WDR41: variants seen among roughly 807,000 people sequenced by gnomAD.
WDR41 encodes WD repeat domain 41, also known as WD repeat-containing protein 41.
WDR41 carries 63 observed loss-of-function variants against 69.3 expected under a neutral mutation model. The observed-to-expected ratio is 0.91, with a 90% CI of 0.74 to 1.12. The LOEUF is 1.12. WDR41 is among the 50% of genes most tolerant of loss of function. The pLI is 0.00. For synonymous variants in WDR41, 185 were observed against 192.1 expected, an observed-to-expected ratio of 0.96 and a Z score of 0.31; for missense variants, 543 against 534.5, an observed-to-expected ratio of 1.02 and a Z score of -0.16.
At chr5:77,480,863 A>G (rs1801203181) in intron 2 of WDR41, among the ~76,000 whole-genome samples, 1 of 152,020 alleles carries the variant, frequency 6.6e-6, no homozygotes, top group South Asian at 2.1e-4. Context: ...AGAATACCAA[A>G]AAAATCTGTG....
chr5:77,469,058 G>A (rs1280442013), intron 2 of WDR41, among the ~76,000 whole-genome samples: 2 of 152,124 alleles, frequency 1.3e-5, no homozygotes, highest in Non-Finnish European at 2.9e-5. Flanking sequence ...ATACTATGCA[G>A]CCATAAAAAG....
At chr5:77,520,933 C>T (rs974994454) in intron 1 of WDR41, among the ~76,000 whole-genome samples, 4 of 152,238 alleles carry the variant, frequency 2.6e-5, no homozygotes, top group African/African-American at 9.6e-5. Flanking sequence ...GAAAACATTC[C>T]TCCAGGACAT....
chr5:77,554,558 G>A (rs1743356519), intron 1 of WDR41, among the ~76,000 whole-genome samples: 2 of 151,326 alleles, frequency 1.3e-5, no homozygotes, highest in East Asian at 1.9e-4. Context: ...TATTGATCTC[G>A]GACTTCCCAG....
chr5:77,572,144 A>G (rs1396479720), intron 1 of WDR41, among the ~76,000 whole-genome samples: 2 of 152,234 alleles, frequency 1.3e-5, no homozygotes, highest in Admixed American at 6.5e-5. Flanking sequence ...TATAAAAGCT[A>G]TCTTAGTAAC....
At chr5:77,433,373 A>AT (rs562043994) in intron 12 of WDR41, 86 bp from the exon 13 acceptor site, 14 of 1,265,430 alleles carry the variant, frequency 1.1e-5, no homozygotes, top group Non-Finnish European at 1.3e-5. Context: ...CGTGTGAGAT[A>AT]TGTGCCTTAA....
chr5:77,549,735 C>T (rs993050796), intron 1 of WDR41, among the ~76,000 whole-genome samples: 53 of 152,214 alleles, frequency 3.5e-4, no homozygotes, highest in African/African-American at 1.2e-3. Flanking sequence ...TATCAAGCTA[C>T]CAATGTCATT....
intron 1 of WDR41, among the ~76,000 whole-genome samples, chr5:77,599,498 C>T (rs1012444546): frequency 1.3e-5 from 2 of 152,114 alleles, no homozygotes; most frequent in African/African-American, 4.8e-5. Flanking sequence ...CCACACCCTG[C>T]CTGGAAGCTC....
intron 12 of WDR41, among the ~76,000 whole-genome samples, chr5:77,434,016 T>A (rs1561722320): frequency 6.6e-6 from 1 of 152,084 alleles, no homozygotes; most frequent in Admixed American, 6.6e-5. Flanking sequence ...GATGAGGTCC[T>A]CGAAGGAAAG....
At chr5:77,615,167 T>C (rs1744653831) in intron 1 of WDR41, among the ~76,000 whole-genome samples, 1 of 152,122 alleles carries the variant, frequency 6.6e-6, no homozygotes, top group African/African-American at 2.4e-5. Flanking sequence ...GTCACTGAAT[T>C]GTCTAAAAAA....
At chr5:77,620,344 CT>C (rs1744758075) in intron 1 of WDR41, 1 of 372,784 alleles carries the variant, frequency 2.7e-6, no homozygotes, top group African/African-American at 2.1e-5. Flanking sequence ...CTGTAAGTCT[CT>C]TTAGTCAAAA....
rs539436939 is a variant in WDR41, at chr5:77,536,389, T to A, written c.43-46817A>T. Among the ~76,000 whole-genome samples the A allele has an allele frequency of 2.0e-5, 3 of 151,710 alleles. No individual in the cohort carries two copies. The East Asian group carries it at 5.8e-4, about 30-fold the overall frequency. ...AAATGAAACAAGGACTCTCAGAGAT[T>A]CATAAGCAAAGTGTTAAAAAAAAAG... On this transcript the variant is annotated intron_variant, in intron 1 of 5. Transcript: ENST00000509971.
intron 1 of WDR41, among the ~76,000 whole-genome samples, chr5:77,542,970 C>T (rs1285048424): frequency 6.6e-6 from 1 of 152,186 alleles, no homozygotes; most frequent in Non-Finnish European, 1.5e-5. Context: ...AGACAGTTCA[C>T]ATCACAGTAC....
intron 9 of WDR41, 39 bp from the exon 10 acceptor site, chr5:77,438,400 C>A: frequency 6.2e-7 from 1 of 1,609,520 alleles, no homozygotes; most frequent in African/African-American, 1.3e-5. Context: ...AAAACTAGCA[C>A]TCACCCTTCC....
chr5:77,528,788 A>G (rs1802484056), intron 1 of WDR41, among the ~76,000 whole-genome samples: 1 of 151,744 alleles, frequency 6.6e-6, no homozygotes, highest in Non-Finnish European at 1.5e-5. Context: ...AAATCATATT[A>G]TCATTTTGAT....
intron 1 of WDR41, among the ~76,000 whole-genome samples, chr5:77,546,775 A>C (rs1743207706): frequency 6.6e-6 from 1 of 152,166 alleles, no homozygotes; most frequent in African/African-American, 2.4e-5. Context: ...TCATTCCATG[A>C]AGCCAGTATC....
At chr5:77,558,094 T>TTAAAAAAAAAAAAA (rs1554036365) in intron 1 of WDR41, among the ~76,000 whole-genome samples, 5 of 104,280 alleles carry the variant, frequency 4.8e-5, no homozygotes, top group African/African-American at 1.4e-4. Flanking sequence ...ATGTTCTTTT[T>TTAAAAAAAAAAAAA]AAAAAAAAAA....
chr5:77,538,388 C>G (rs948995060), intron 1 of WDR41, among the ~76,000 whole-genome samples: 14 of 152,164 alleles, frequency 9.2e-5, no homozygotes, highest in African/African-American at 3.4e-4. Context: ...TACAAATGAT[C>G]CTGTCACTCA....
chr5:77,619,343 T>A (rs1324940289), intron 1 of WDR41, among the ~76,000 whole-genome samples: 1 of 152,114 alleles, frequency 6.6e-6, no homozygotes, highest in East Asian at 1.9e-4. Context: ...GCTAAACTAA[T>A]CATCAATACA....
chr5:77,453,945 A>C lies in WDR41; in HGVS notation c.412-17T>G. 6.3e-7 allele frequency: 1 copy of C among 1,582,430 alleles called. No homozygotes were observed. Among genetic ancestry groups the C allele is most frequent in the African/African-American group, 1.3e-5 (1 of 74,362 alleles). On this transcript the variant is annotated splice_polypyrimidine_tract_variant and intron_variant, in intron 5 of 12. Transcript: ENST00000296679. Reference sequence around the variant, plus strand: ...AGTTAAACACTGCAAAATTTATTTGAAATGTATATCAGGTTAGAAACTTAA... The same window carrying C: ...AGTTAAACACTGCAAAATTTATTTGCAATGTATATCAGGTTAGAAACTTAA...
Sources: gnomAD v4.1 joint callset for allele counts (sites outside exome capture counted in the v4.1 genomes callset) on GRCh38, gnomAD v4.1.1 for gene constraint, MANE v1.5 for transcripts, NCBI Gene and HGNC (gene_info 2026-07-23, HGNC 2026-07-21) for gene names.